TRPM3: variants seen among roughly 807,000 people sequenced by gnomAD.
TRPM3 encodes long transient receptor potential channel 3.
Under a neutral mutation model 181.2 loss-of-function variants are expected in TRPM3, and 77 were observed. The ratio of observed to expected loss-of-function variants is 0.42; its 90% CI spans 0.35 to 0.51. TRPM3 has a LOEUF of 0.51. Ranked by LOEUF, TRPM3 falls within the 20% of genes least tolerant of loss-of-function variation. The pLI is 0.01. For synonymous variants in TRPM3, 745 were observed against 796.4 expected (o/e 0.94, Z 1.09); for missense variants, 1,759 against 2,196.7 (o/e 0.80, Z 3.98).
At chr9:70,542,402 C>T (rs1026673935) in intron 25 of TRPM3, among the ~76,000 whole-genome samples, 1 of 152,168 alleles carries the variant, frequency 6.6e-6, no homozygotes, top group African/African-American at 2.4e-5. Flanking sequence ...TATCTCCAGA[C>T]CTCGAATGGC....
intron 1 of TRPM3, among the ~76,000 whole-genome samples, chr9:71,186,946 C>T (rs1023863603): frequency 1.3e-5 from 2 of 151,964 alleles, no homozygotes; most frequent in Admixed American, 1.3e-4. Context: ...ATTAAAAACT[C>T]TTCTTAAAAA....
At position 70,532,364 on chromosome 9, in the gene TRPM3, TTATA is replaced by T. The variant is rs1023680513; in HGVS notation, c.*3585_*3588del. 4 of 152,296 alleles carry T rather than the reference TTATA, an allele frequency of 2.6e-5. No individual in the cohort carries two copies. The East Asian group carries it at 5.8e-4, about 22-fold the overall frequency. The allele number at this position is 152,296 out of a possible 1,614,324, so 9.4% of individuals were successfully genotyped here. The stretch of plus-strand genomic sequence containing the variant: ...GTACATTTTTCTCGTTTGATTATTC[TTATA>T]TATATATTTTAAAAGGGGAACTTTC... On this transcript the variant is annotated 3_prime_UTR_variant, in exon 26 of 26. Transcript: ENST00000677713.
chr9:71,078,259 G>C (rs1225292099), intron 1 of TRPM3, among the ~76,000 whole-genome samples: 1 of 152,048 alleles, frequency 6.6e-6, no homozygotes, highest in African/African-American at 2.4e-5. Context: ...ATGAGACAGA[G>C]AAGGGTATCT....
At chr9:70,686,107 CAT>C (rs1047905983) in intron 8 of TRPM3, among the ~76,000 whole-genome samples, 7 of 150,932 alleles carry the variant, frequency 4.6e-5, no homozygotes, top group African/African-American at 1.2e-4. Flanking sequence ...AATATATACA[CAT>C]GTGTATATAT....
At chr9:70,918,795 G>A (rs918512234) in intron 1 of TRPM3, among the ~76,000 whole-genome samples, 3 of 151,576 alleles carry the variant, frequency 2.0e-5, no homozygotes, top group East Asian at 1.9e-4. Context: ...ATCTTGAAAC[G>A]AACAATACAA....
At chr9:70,978,590 A>G (rs2097330905) in intron 1 of TRPM3, among the ~76,000 whole-genome samples, 1 of 152,134 alleles carries the variant, frequency 6.6e-6, no homozygotes. Context: ...CGATGCTTTC[A>G]TTTGCCACAT....
intron 2 of TRPM3, 148 bp from the exon 3 acceptor site, chr9:70,863,260 A>G (rs1159733511): frequency 7.8e-6 from 5 of 644,450 alleles, no homozygotes; most frequent in Non-Finnish European, 1.3e-5. Flanking sequence ...TATATCAGGT[A>G]TTGGTAAACT....
chr9:70,556,603 T>A (rs1010971601), intron 22 of TRPM3, among the ~76,000 whole-genome samples: 2 of 152,120 alleles, frequency 1.3e-5, no homozygotes, highest in African/African-American at 4.8e-5. Context: ...ACACCTGTAG[T>A]CACAGCTACT....
At chr9:70,996,329 TG>T (rs1248562122) in intron 1 of TRPM3, among the ~76,000 whole-genome samples, 1 of 152,134 alleles carries the variant, frequency 6.6e-6, no homozygotes, top group Non-Finnish European at 1.5e-5. Context: ...ATATTGTAGC[TG>T]GGTATCATGG....
At chr9:71,239,464 G>A (rs1051342106) in intron 1 of TRPM3, among the ~76,000 whole-genome samples, 1 of 152,018 alleles carries the variant, frequency 6.6e-6, no homozygotes, top group Non-Finnish European at 1.5e-5. Context: ...CTCTCTGCCT[G>A]CTCCAAGTAA....
chr9:70,746,776 A>G (rs1248323800), intron 8 of TRPM3, among the ~76,000 whole-genome samples: 2 of 152,178 alleles, frequency 1.3e-5, no homozygotes, highest in African/African-American at 2.4e-5. Context: ...TTATCACTCT[A>G]TTTTAAAGCT....
At chr9:71,297,972 C>T (rs2086436126) in intron 1 of TRPM3, among the ~76,000 whole-genome samples, 1 of 152,052 alleles carries the variant, frequency 6.6e-6, no homozygotes, top group African/African-American at 2.4e-5. Flanking sequence ...TCATACTGGT[C>T]TCTTAAATTG....
At chr9:71,104,072 G>A (rs2068966119) in intron 1 of TRPM3, among the ~76,000 whole-genome samples, 1 of 152,048 alleles carries the variant, frequency 6.6e-6, no homozygotes. Flanking sequence ...GTGCCACCAT[G>A]CCCATCTAAT....
At chr9:70,935,795 TC>T (rs1246937141) in intron 1 of TRPM3, among the ~76,000 whole-genome samples, 1 of 152,034 alleles carries the variant, frequency 6.6e-6, no homozygotes, top group African/African-American at 2.4e-5. Context: ...GCAGATTTTT[TC>T]CCCCAAGCGC....
intron 1 of TRPM3, chr9:70,869,053 G>A: frequency 1.0e-6 from 1 of 985,172 alleles, no homozygotes; most frequent in Non-Finnish European, 1.2e-6. Context: ...TCATTTTGCT[G>A]CAGCTAGGGC....
chr9:71,308,610 G>C (rs1190759905), intron 1 of TRPM3, among the ~76,000 whole-genome samples: 1 of 152,142 alleles, frequency 6.6e-6, no homozygotes, highest in Admixed American at 6.5e-5. Flanking sequence ...GACTTGGTCT[G>C]ACTCAGAAGG....
At chr9:70,930,155 A>G (rs994442983) in intron 1 of TRPM3, among the ~76,000 whole-genome samples, 4 of 152,232 alleles carry the variant, frequency 2.6e-5, no homozygotes, top group Admixed American at 2.6e-4. Context: ...AGAGGTCCAC[A>G]GGAGACAGTG....
chr9:70,906,647 A>G (rs2096467924), intron 1 of TRPM3, among the ~76,000 whole-genome samples: 1 of 152,232 alleles, frequency 6.6e-6, no homozygotes, highest in Admixed American at 6.5e-5. Context: ...TCATGCCTGT[A>G]ATCCCAGCAC....
intron 18 of TRPM3, among the ~76,000 whole-genome samples, chr9:70,611,973 G>T (rs2133041891): frequency 6.6e-6 from 1 of 152,284 alleles, no homozygotes; most frequent in East Asian, 1.9e-4. Flanking sequence ...CTTCAAATTG[G>T]TGGCACCATG....
Sources: gnomAD v4.1 joint callset for allele counts (sites outside exome capture counted in the v4.1 genomes callset) on GRCh38, gnomAD v4.1.1 for gene constraint, MANE v1.5 for transcripts, NCBI Gene and HGNC (gene_info 2026-07-23, HGNC 2026-07-21) for gene names.